GRIN3A: variants seen among roughly 807,000 people sequenced by gnomAD.
GRIN3A encodes glutamate ionotropic receptor NMDA type subunit 3A, also known as glutamate receptor ionotropic, NMDA 3A.
A neutral mutation model predicts 92.4 loss-of-function variants in GRIN3A; 47 were observed. The observed-to-expected ratio is 0.51, with a 90% CI of 0.40 to 0.65. The LOEUF (loss-of-function observed/expected upper bound fraction) is 0.65. GRIN3A is among the 30% of genes least tolerant of loss of function. The pLI, the probability that GRIN3A is intolerant of heterozygous loss-of-function variation, is 0.00. For missense variants in GRIN3A, 1,324 were observed against 1,393.1 expected (o/e 0.95, Z 0.79); for synonymous variants, 527 against 540.6 (o/e 0.97, Z 0.35).
chr9:101,680,904 T>A (rs905076527), intron 2 of GRIN3A, among the ~76,000 whole-genome samples: 1 of 152,170 alleles, frequency 6.6e-6, no homozygotes, highest in African/African-American at 2.4e-5. Context: ...GGATTCTACA[T>A]CCCAATTAGA....
chr9:101,599,992 T>C (rs1291785842), intron 6 of GRIN3A, among the ~76,000 whole-genome samples: 1 of 152,206 alleles, frequency 6.6e-6, no homozygotes, highest in Non-Finnish European at 1.5e-5. Context: ...CTGTTTGGTT[T>C]TCTTTTGTAA....
chr9:101,703,410 C>T (rs1462719547), intron 1 of GRIN3A, among the ~76,000 whole-genome samples: 1 of 152,164 alleles, frequency 6.6e-6, no homozygotes, highest in African/African-American at 2.4e-5. Flanking sequence ...TATTTCAGAG[C>T]TGTCCTCCCT....
chr9:101,579,073 G>T, intron 7 of GRIN3A, 123 bp downstream of exon 7: 1 of 970,996 alleles, frequency 1.0e-6, no homozygotes, highest in Admixed American at 1.9e-5. Flanking sequence ...TAATGAGAGT[G>T]CCTACCCCAC....
chr9:101,727,367 G>A (rs1321578539), intron 1 of GRIN3A, among the ~76,000 whole-genome samples: 2 of 152,124 alleles, frequency 1.3e-5, no homozygotes, highest in South Asian at 2.1e-4. Flanking sequence ...AGGTGATTTG[G>A]ATTCTTTGGC....
intron 1 of GRIN3A, among the ~76,000 whole-genome samples, chr9:101,689,731 C>A (rs1588284489): frequency 2.1e-5 from 3 of 141,966 alleles, no homozygotes; most frequent in East Asian, 2.0e-4. Flanking sequence ...CATACACATG[C>A]ACACACACAC....
intron 1 of GRIN3A, among the ~76,000 whole-genome samples, chr9:101,707,434 C>T (rs535516642): frequency 6.4e-4 from 98 of 152,262 alleles, no homozygotes; most frequent in African/African-American, 2.3e-3. Context: ...ATGCTGTATA[C>T]ATTTGGCACA....
chr9:101,673,382 A>C (rs183083013), intron 2 of GRIN3A, among the ~76,000 whole-genome samples: 292 of 152,256 alleles, frequency 1.9e-3, no homozygotes, highest in African/African-American at 6.7e-3. Context: ...CAAAGAAGGC[A>C]AATCAATAGG....
At chr9:101,662,323 G>A (rs1426106886) in intron 3 of GRIN3A, among the ~76,000 whole-genome samples, 1 of 151,676 alleles carries the variant, frequency 6.6e-6, no homozygotes, top group African/African-American at 2.4e-5. Flanking sequence ...ATAATTATTG[G>A]TATTAAAATA....
chr9:101,619,296 G>C (rs1194362080), intron 5 of GRIN3A, among the ~76,000 whole-genome samples: 2 of 152,056 alleles, frequency 1.3e-5, no homozygotes, highest in African/African-American at 2.4e-5. Flanking sequence ...ATATTGTAAT[G>C]GTCCCAACTA....
chr9:101,687,073 A>G lies in GRIN3A; in HGVS notation c.827T>C (p.Ile276Thr). Residue 276 changes from isoleucine (I) to threonine (T), a missense_variant, in exon 2 of 9, where the codon ATC (isoleucine) becomes ACC (threonine). Ile to Thr is a moderately conservative substitution (Grantham distance 89, BLOSUM62 -1). Coordinates refer to ENST00000361820, the MANE Select transcript of GRIN3A (RefSeq NM_133445.3). The stretch of plus-strand genomic sequence containing the variant: ...CTGGGTAAGGAGGAGGAAGTCGGTG[A>G]TGTTCCAGTCTTCCTGGCACAGCAA... ...SLLLCQEDWNITDFLLLTQNN... is the reference protein window; with the variant it reads ...SLLLCQEDWNTTDFLLLTQNN... The G allele has an allele frequency of 6.2e-7, 1 of 1,614,138 alleles. No individual in the cohort carries two copies. Among genetic ancestry groups the G allele is most frequent in the Non-Finnish European group, 8.5e-7 (1 of 1,180,010 alleles).
intron 4 of GRIN3A, among the ~76,000 whole-genome samples, chr9:101,627,547 C>T (rs892183029): frequency 3.3e-5 from 5 of 152,098 alleles, no homozygotes; most frequent in African/African-American, 9.7e-5. Context: ...TTGATTCCAT[C>T]GAGCAGGAGG....
At chr9:101,640,590 T>C (rs1280878238) in intron 3 of GRIN3A, among the ~76,000 whole-genome samples, 1 of 152,182 alleles carries the variant, frequency 6.6e-6, no homozygotes, top group Non-Finnish European at 1.5e-5. Flanking sequence ...GCAAAGAGAC[T>C]GATATGGTTT....
intron 5 of GRIN3A, among the ~76,000 whole-genome samples, chr9:101,621,853 G>C (rs1052766555): frequency 5.3e-5 from 8 of 152,146 alleles, no homozygotes; most frequent in Admixed American, 5.2e-4. Flanking sequence ...TGGCAGAAGG[G>C]ATCTCAGTTA....
intron 1 of GRIN3A, among the ~76,000 whole-genome samples, chr9:101,688,236 C>A (rs968344717): frequency 6.6e-6 from 1 of 152,092 alleles, no homozygotes; most frequent in African/African-American, 2.4e-5. Flanking sequence ...CCTGTCCCTA[C>A]GTACCAAAAA....
At position 101,640,806 on chromosome 9, in the gene GRIN3A, G is replaced by A. The variant is rs569819087; in HGVS notation, c.2353-12405C>T. On this transcript the variant is annotated intron_variant, in intron 3 of 8. Transcript: ENST00000361820. ...TCCTTCTCTGCCTGCTGCGATCCAC[G>A]TAAGACATGACTTGCTCCTCCTTGC... Among the ~76,000 whole-genome samples the A allele has an allele frequency of 8.5e-5, 13 of 152,242 alleles. No homozygotes were observed. The East Asian group carries it at 1.7e-3, about 20-fold the overall frequency.
chr9:101,571,366 G>A lies in GRIN3A; in HGVS notation c.*1808C>T, dbSNP rs573071234. The A allele has an allele frequency of 1.4e-4, 21 of 152,232 alleles. No homozygotes were observed. The highest frequency in any genetic ancestry group is 4.8e-4 in the African/African-American group (20 of 41,554). The allele number at this position is 152,232 out of a possible 1,614,324, so 9.4% of individuals were successfully genotyped here. On this transcript the variant is annotated 3_prime_UTR_variant, in exon 9 of 9. Coordinates refer to ENST00000361820, the MANE Select transcript of GRIN3A (RefSeq NM_133445.3). Reference sequence around the variant, plus strand: ...TCCCTGGGTGACTGGGTAGATTTTGGTGGAAATGCAGACATTTCATCCAGT... The same window carrying A: ...TCCCTGGGTGACTGGGTAGATTTTGATGGAAATGCAGACATTTCATCCAGT...
chr9:101,657,026 A>G (rs1399256800), intron 3 of GRIN3A, among the ~76,000 whole-genome samples: 1 of 151,864 alleles, frequency 6.6e-6, no homozygotes, highest in African/African-American at 2.4e-5. Flanking sequence ...TAAATTAGTA[A>G]CCCATATAGA....
chr9:101,717,526 G>C (rs1259011241), intron 1 of GRIN3A, among the ~76,000 whole-genome samples: 1 of 152,150 alleles, frequency 6.6e-6, no homozygotes, highest in Non-Finnish European at 1.5e-5. Context: ...GAGTAAAACA[G>C]GAAGTTAGGA....
chr9:101,694,872 A>T (rs1829664829), intron 1 of GRIN3A, among the ~76,000 whole-genome samples: 1 of 152,172 alleles, frequency 6.6e-6, no homozygotes, highest in Non-Finnish European at 1.5e-5. Context: ...ATAAAGAAAG[A>T]CTATTAGTAA....
Sources: gnomAD v4.1 joint callset for allele counts (sites outside exome capture counted in the v4.1 genomes callset) on GRCh38, gnomAD v4.1.1 for gene constraint, MANE v1.5 for transcripts, NCBI Gene and HGNC (gene_info 2026-07-23, HGNC 2026-07-21) for gene names.